Variants in SNRPD1 observed in about 807,000 individuals in gnomAD.
The protein encoded by SNRPD1 is small nuclear ribonucleoprotein D1 polypeptide.
In SNRPD1, 1 loss-of-function variant was observed where a neutral mutation model predicts 14.4. The observed-to-expected ratio is 0.07, with a 90% CI of 0.02 to 0.33. SNRPD1 has a LOEUF of 0.33. Among genes scored for constraint, SNRPD1 ranks in the 10% least tolerant of loss-of-function variants. The pLI is 1.00. For missense variants in SNRPD1, 52 were observed against 146.4 expected, an observed-to-expected ratio of 0.36 and a Z score of 3.33; for synonymous variants, 42 against 50.3, an observed-to-expected ratio of 0.83 and a Z score of 0.70.
chr18:21,629,017 G>C (rs1213033506), intron 3 of SNRPD1, 45 bp from the exon 4 acceptor site: 1 of 1,444,722 alleles, frequency 6.9e-7, no homozygotes, highest in South Asian at 1.1e-5. Flanking sequence ...AGGTAACATT[G>C]GTGCAGGAGA....
chr18:21,618,744 G>A (rs1318186083), intron 1 of SNRPD1, among the ~76,000 whole-genome samples: 2 of 151,962 alleles, frequency 1.3e-5, no homozygotes, highest in East Asian at 1.9e-4. Context: ...TAAAGTTTGA[G>A]GCTTGTTATA....
rs562736204 is a variant in SNRPD1 at position 21,624,411 on chromosome 18, G to A, written c.283+472G>A. On this transcript the variant is annotated intron_variant, in intron 3 of 3. Transcript: ENST00000300413. The stretch of plus-strand genomic sequence containing the variant: ...AAACCAAACAACAAATATCGATGTG[G>A]TCGGGCAGGGTGGCTCACACCTGTA... 2.0e-5 allele frequency among the ~76,000 whole-genome samples: 3 copies of A among 149,060 alleles called. No homozygotes were observed. In the Admixed American group the frequency reaches 2.0e-4, roughly 10 times the overall value.
chr18:21,617,463 T>C (rs891545825), intron 1 of SNRPD1, among the ~76,000 whole-genome samples: 1 of 152,242 alleles, frequency 6.6e-6, no homozygotes, highest in Non-Finnish European at 1.5e-5. Flanking sequence ...AACTTGTATA[T>C]GTACTGCTCT....
At chr18:21,623,031 A>G (rs560772192) in intron 2 of SNRPD1, among the ~76,000 whole-genome samples, 105 of 151,688 alleles carry the variant, frequency 6.9e-4, no homozygotes, top group African/African-American at 2.5e-3. Context: ...GGGTCAAGCA[A>G]TTCTCCTGTC....
intron 3 of SNRPD1, among the ~76,000 whole-genome samples, chr18:21,627,139 G>T (rs1197802947): frequency 6.6e-6 from 1 of 151,974 alleles, no homozygotes; most frequent in Non-Finnish European, 1.5e-5. Flanking sequence ...CGTGGTGGTG[G>T]GCGCCTGCAG....
chr18:21,628,014 A>C (rs1176364807), intron 3 of SNRPD1, among the ~76,000 whole-genome samples: 1 of 152,140 alleles, frequency 6.6e-6, no homozygotes, highest in African/African-American at 2.4e-5. Context: ...TATTTTGTGA[A>C]ATGTCCCTTA....
chr18:21,627,017 G>A (rs532103958), intron 3 of SNRPD1, among the ~76,000 whole-genome samples: 9 of 150,284 alleles, frequency 6.0e-5, no homozygotes, highest in Admixed American at 2.0e-4. Flanking sequence ...AGCTGGGCGC[G>A]GTGGCTCACG....
At chr18:21,619,509 G>A (rs2038981973) in intron 1 of SNRPD1, among the ~76,000 whole-genome samples, 2 of 151,296 alleles carry the variant, frequency 1.3e-5, no homozygotes, top group Admixed American at 1.3e-4. Context: ...AAAGGGCCAG[G>A]CCTGGTGGCT....
chr18:21,619,104 A>G (rs991727827), intron 1 of SNRPD1, among the ~76,000 whole-genome samples: 3 of 152,212 alleles, frequency 2.0e-5, no homozygotes, highest in African/African-American at 7.2e-5. Context: ...TTATGGTTAT[A>G]TAGGAGAATG....
Position 21,612,338 on chromosome 18 carries a change from A to T in SNRPD1, c.-92A>T. The T allele has an allele frequency of 2.1e-6, 2 of 955,924 alleles. No individual in the cohort carries two copies. Among genetic ancestry groups the T allele is most frequent in the Non-Finnish European group, 3.0e-6 (2 of 656,818 alleles). The allele number at this position is 955,924 out of a possible 1,614,324, so 59.2% of individuals were successfully genotyped here. On this transcript the variant is annotated 5_prime_UTR_variant, in exon 1 of 4. Coordinates refer to ENST00000300413, the MANE Select transcript of SNRPD1 (RefSeq NM_006938.4). ...TCTTGACGTCCGGAGCCCCTGGAGT[A>T]GGCGCTTCCGGCCATTCATACTGCA...
intron 3 of SNRPD1, among the ~76,000 whole-genome samples, chr18:21,624,864 T>C (rs1265022506): frequency 6.6e-6 from 1 of 152,136 alleles, no homozygotes; most frequent in Non-Finnish European, 1.5e-5. Flanking sequence ...GTAGTAGTGT[T>C]TCAGTGCACA....
Position 21,629,600 on chromosome 18 carries a change from G to C in SNRPD1, c.*462G>C, listed in dbSNP as rs762580209. The C allele has an allele frequency of 6.3e-6, 1 of 159,134 alleles. No individual in the cohort carries two copies. Among genetic ancestry groups the C allele is most frequent in the Non-Finnish European group, 1.4e-5 (1 of 71,910 alleles). 9.9% of individuals were successfully genotyped at this position (159,134 alleles called of 1,614,324 possible). ...ACAGCCGGATTAGTTACAGTTCAGC[G>C]TTTGCCTTATTTGAATATGGTTTGA... On this transcript the variant is annotated 3_prime_UTR_variant, in exon 4 of 4. Coordinates refer to ENST00000300413, the MANE Select transcript of SNRPD1 (RefSeq NM_006938.4).
At chr18:21,618,722 C>G (rs1034277267) in intron 1 of SNRPD1, among the ~76,000 whole-genome samples, 7 of 152,046 alleles carry the variant, frequency 4.6e-5, no homozygotes, top group African/African-American at 1.7e-4. Context: ...AGATTCAACT[C>G]ATGAGTCTTC....
chr18:21,616,097 T>C (rs1286732366), intron 1 of SNRPD1, among the ~76,000 whole-genome samples: 1 of 152,200 alleles, frequency 6.6e-6, no homozygotes, highest in Non-Finnish European at 1.5e-5. Flanking sequence ...GCCATTCTCC[T>C]GCCTCAGCCT....
chr18:21,624,013 T>G, intron 3 of SNRPD1, 74 bp downstream of exon 3: 1 of 852,882 alleles, frequency 1.2e-6, no homozygotes, highest in Non-Finnish European at 1.9e-6. Flanking sequence ...TAGATATTAT[T>G]TGCAAACAAC....
chr18:21,632,424 A>T lies in SNRPD1; in HGVS notation c.*3286A>T, dbSNP rs928740717. On this transcript the variant is annotated 3_prime_UTR_variant, in exon 4 of 4. Transcript: ENST00000300413. ...CAGTGAGCTGAGATCACACCACTGC[A>T]CTTCAGCCTGAGTGACAGAGCGAGA... 1 of 151,830 alleles carries T rather than the reference A, an allele frequency of 6.6e-6. No homozygotes were observed. Among genetic ancestry groups the T allele is most frequent in the African/African-American group, 2.4e-5 (1 of 41,276 alleles). 9.4% of individuals were successfully genotyped at this position (151,830 alleles called of 1,614,324 possible).
chr18:21,612,520 A>T, intron 1 of SNRPD1, 77 bp downstream of exon 1: 1 of 1,159,438 alleles, frequency 8.6e-7, no homozygotes, highest in Non-Finnish European at 1.2e-6. Flanking sequence ...GGGCTCTCCC[A>T]TTTGCAGGAG....
chr18:21,617,118 CT>C (rs1424229074), intron 1 of SNRPD1, among the ~76,000 whole-genome samples: 1 of 151,944 alleles, frequency 6.6e-6, no homozygotes, highest in Non-Finnish European at 1.5e-5. Context: ...GTTGAAAACA[CT>C]TTCCTTTGCC....
chr18:21,623,572 C>T (rs1020002109), intron 2 of SNRPD1, among the ~76,000 whole-genome samples, 176 bp from the exon 3 acceptor site: 1 of 152,220 alleles, frequency 6.6e-6, no homozygotes, highest in African/African-American at 2.4e-5. Context: ...GAAGGAAACA[C>T]TGCTGACATT....
Sources: gnomAD v4.1 joint callset for allele counts (sites outside exome capture counted in the v4.1 genomes callset) on GRCh38, gnomAD v4.1.1 for gene constraint, MANE v1.5 for transcripts, NCBI Gene and HGNC (gene_info 2026-07-23, HGNC 2026-07-21) for gene names.